The following ZNF385D variants were observed in gnomAD, a reference collection of about 807,000 sequenced individuals.
The protein encoded by ZNF385D is zinc finger protein 659.
ZNF385D carries 15 observed loss-of-function variants against 35.8 expected under a neutral mutation model. The observed-to-expected ratio is 0.42, with a 90% confidence interval of 0.28 to 0.64. The LOEUF is 0.64. Ranked by LOEUF, ZNF385D falls within the 30% of genes least tolerant of loss-of-function variation. The pLI, the probability that ZNF385D is intolerant of heterozygous loss-of-function variation, is 0.23. For synonymous variants in ZNF385D, 212 were observed against 186.8 expected (o/e 1.13, Z -1.10); for missense variants, 474 against 494.6 (o/e 0.96, Z 0.39).
In ZNF385D at chr3:21,417,572, T is replaced by C. The variant is rs1045636203; in HGVS notation, c.*3642A>G. 2.0e-5 allele frequency: 3 copies of C among 152,174 alleles called. No homozygotes were observed. The highest frequency in any genetic ancestry group is 7.2e-5 in the African/African-American group (3 of 41,458). 9.4% of individuals were successfully genotyped at this position (152,174 alleles called of 1,614,324 possible). On this transcript the variant is annotated 3_prime_UTR_variant, in exon 8 of 8. Transcript: ENST00000281523. ...CAGAACAATTGAAACATTACACTGG[T>C]ACAAAGACAAAGATATTAATTTAAA... is the stretch of plus-strand genomic sequence containing the variant.
At chr3:21,497,608 G>A (rs936797460) in intron 4 of ZNF385D, among the ~76,000 whole-genome samples, 1 of 152,108 alleles carries the variant, frequency 6.6e-6, no homozygotes, top group African/African-American at 2.4e-5. Flanking sequence ...AATTTGGGAG[G>A]CTGAGGTGGG....
chr3:22,350,404 GGAT>G (rs995856453), intron 2 of ZNF385D, among the ~76,000 whole-genome samples: 2 of 152,064 alleles, frequency 1.3e-5, no homozygotes, highest in Admixed American at 6.5e-5. Context: ...ACCCAAATGT[GGAT>G]GATATCATAA....
intron 2 of ZNF385D, among the ~76,000 whole-genome samples, chr3:22,214,908 C>G (rs1290604304): frequency 6.6e-6 from 1 of 151,848 alleles, no homozygotes; most frequent in Non-Finnish European, 1.5e-5. Flanking sequence ...GTCTGTGACC[C>G]ACACCCTATT....
chr3:21,947,728 TTTTTC>T (rs1701864239), intron 3 of ZNF385D, among the ~76,000 whole-genome samples: 2 of 152,170 alleles, frequency 1.3e-5, no homozygotes, highest in South Asian at 4.1e-4. Flanking sequence ...CCATCTATCT[TTTTTC>T]TATCATCTGT....
At position 21,630,597 on chromosome 3, in the gene ZNF385D, G is replaced by T. The variant is rs1328231477; in HGVS notation, c.165+34289C>A. On this transcript the variant is annotated intron_variant, in intron 2 of 7. Coordinates refer to ENST00000281523, the MANE Select transcript of ZNF385D (RefSeq NM_024697.3). ...TTAACATATCATGTACACTTAGGCA[G>T]CTCTTCATCTTTTTGGGCCTCACTC... Among the ~76,000 whole-genome samples the T allele has an allele frequency of 3.3e-5, 5 of 152,170 alleles. No homozygotes were observed. The South Asian group carries it at 6.2e-4, about 19-fold the overall frequency.
chr3:22,080,185 G>C (rs1700677112), intron 3 of ZNF385D, among the ~76,000 whole-genome samples: 1 of 152,114 alleles, frequency 6.6e-6, no homozygotes, highest in African/African-American at 2.4e-5. Flanking sequence ...GGTCCTGAAA[G>C]ATAATGGATC....
chr3:21,912,740 C>T (rs1700021794), intron 3 of ZNF385D, among the ~76,000 whole-genome samples: 1 of 152,042 alleles, frequency 6.6e-6, no homozygotes, highest in African/African-American at 2.4e-5. Flanking sequence ...TGCTAAAATA[C>T]ACTGACAACA....
chr3:22,002,767 T>C (rs1373269978), intron 3 of ZNF385D, among the ~76,000 whole-genome samples: 2 of 152,122 alleles, frequency 1.3e-5, no homozygotes, highest in East Asian at 1.9e-4. Flanking sequence ...TATCCTAGGG[T>C]TGCAAGATTT....
In ZNF385D at chr3:22,042,495, G is replaced by A. The variant is rs186099427; in HGVS notation, c.325+126322C>T. On this transcript the variant is annotated intron_variant, in intron 3 of 5. Coordinates refer to the ZNF385D transcript ENST00000494108. Reference sequence around the variant, plus strand: ...GGTAGGTTGAGCATCTTAAGGTATCGTTCTGCAGTAGAACAGACTATAAGG... The same window carrying A: ...GGTAGGTTGAGCATCTTAAGGTATCATTCTGCAGTAGAACAGACTATAAGG... Among the ~76,000 whole-genome samples the A allele has an allele frequency of 3.3e-5, 5 of 152,128 alleles. 1 individual carries two copies. The highest frequency in any genetic ancestry group is 4.2e-4 in the South Asian group (2 of 4,812).
intron 3 of ZNF385D, among the ~76,000 whole-genome samples, chr3:22,155,268 T>C (rs1705513137): frequency 6.6e-6 from 1 of 152,102 alleles, no homozygotes; most frequent in Admixed American, 6.6e-5. Context: ...AAGAAATTAT[T>C]TCAGAATCAG....
rs145136536 is a variant in ZNF385D, at chr3:21,889,044, C to T, written c.326-224016G>A. ...GACTGTGTGTGGGGAGTGCCCTTGA[C>T]ATTTATGAGATGTACAGTAAGGACA... On this transcript the variant is annotated intron_variant, in intron 3 of 5. Coordinates refer to the ZNF385D transcript ENST00000494108. Among the ~76,000 whole-genome samples the T allele has an allele frequency of 9.7e-4, 147 of 152,254 alleles. 1 individual carries two copies. The highest frequency in any genetic ancestry group is 2.9e-3 in the African/African-American group (122 of 41,548).
At chr3:21,519,401 A>T (rs2125496538) in intron 3 of ZNF385D, among the ~76,000 whole-genome samples, 1 of 152,316 alleles carries the variant, frequency 6.6e-6, no homozygotes, top group Non-Finnish European at 1.5e-5. Context: ...TAGGTATTTA[A>T]TGTTTTCAAG....
At chr3:21,761,121 A>G (rs2125585527) in intron 3 of ZNF385D, among the ~76,000 whole-genome samples, 1 of 152,290 alleles carries the variant, frequency 6.6e-6, no homozygotes, top group South Asian at 2.1e-4. Context: ...AACTCCAGCC[A>G]AAGCCAGTAC....
chr3:22,267,180 G>A (rs535727195), intron 2 of ZNF385D, among the ~76,000 whole-genome samples: 2 of 151,872 alleles, frequency 1.3e-5, no homozygotes, highest in Non-Finnish European at 2.9e-5. Context: ...AAACATCTAT[G>A]AGAAAGAGTA....
At chr3:21,496,464 TCATATATATA>T (rs1468183941) in intron 4 of ZNF385D, among the ~76,000 whole-genome samples, 3 of 91,496 alleles carry the variant, frequency 3.3e-5, no homozygotes, top group Admixed American at 1.3e-4. Context: ...GATATATATA[TCATATATATA>T]CATATATACA....
chr3:21,937,042 CTT>C, intron 3 of ZNF385D, among the ~76,000 whole-genome samples: 1 of 152,142 alleles, frequency 6.6e-6, no homozygotes, highest in African/African-American at 2.4e-5. Flanking sequence ...AAGCACTATT[CTT>C]TGTCAGAGAG....
chr3:21,751,953 T>C (rs1376038789), upstream of ZNF385D, among the ~76,000 whole-genome samples: 1 of 151,094 alleles, frequency 6.6e-6, no homozygotes, highest in Non-Finnish European at 1.5e-5. Flanking sequence ...ACCAACATTG[T>C]GCCATAGTTA....
chr3:22,046,735 C>T (rs1699027533), intron 3 of ZNF385D, among the ~76,000 whole-genome samples: 1 of 152,070 alleles, frequency 6.6e-6, no homozygotes, highest in South Asian at 2.1e-4. Flanking sequence ...AGTTGAGTGT[C>T]ATCTTGATCA....
chr3:21,484,942 AC>A (rs775497755), intron 4 of ZNF385D, among the ~76,000 whole-genome samples: 2 of 152,042 alleles, frequency 1.3e-5, no homozygotes, highest in African/African-American at 2.4e-5. Flanking sequence ...AAGGAAACAA[AC>A]CAAAAATGGG....
Sources: allele counts gnomAD v4.1 joint callset (sites outside exome capture counted in the v4.1 genomes callset), GRCh38; gene constraint gnomAD v4.1.1; transcripts MANE v1.5; gene names NCBI Gene and HGNC (gene_info 2026-07-23, HGNC 2026-07-21).